The following LRRC63 variants were observed in gnomAD, a reference collection of about 807,000 sequenced individuals.
The protein encoded by LRRC63 is leucine-rich repeat-containing protein 63.
Under a neutral mutation model 49.5 loss-of-function variants are expected in LRRC63, and 40 were observed. The ratio of observed to expected loss-of-function variants is 0.81; its 90% CI spans 0.63 to 1.05. LRRC63 has a LOEUF of 1.05. LRRC63 is among the 50% of genes least tolerant of loss of function. The pLI is 0.00. For synonymous variants in LRRC63, 191 were observed against 221.1 expected (o/e 0.86, Z 1.21); for missense variants, 636 against 663.1 (o/e 0.96, Z 0.45).
intron 4 of LRRC63, among the ~76,000 whole-genome samples, chr13:46,230,432 A>G (rs1311685299): frequency 6.6e-6 from 1 of 152,198 alleles, no homozygotes; most frequent in African/African-American, 2.4e-5. Flanking sequence ...GTTGAGGAGT[A>G]AGGAAGCCAG....
At chr13:46,259,228 G>T (rs986199308) in intron 7 of LRRC63, among the ~76,000 whole-genome samples, 5 of 152,004 alleles carry the variant, frequency 3.3e-5, no homozygotes, top group Non-Finnish European at 7.4e-5. Flanking sequence ...CTTATAAAAT[G>T]AAGATAATAA....
rs1451676745 is a variant in LRRC63, at chr13:46,275,550, G to A, written c.1551-1040G>A. 2.0e-5 allele frequency among the ~76,000 whole-genome samples: 3 copies of A among 151,664 alleles called. No homozygotes were observed. In the East Asian group the frequency reaches 5.8e-4, roughly 29 times the overall value. ...AGATATCTTATTATGGTTTTGATTTGCATTTCCCTAAATATTAGTGATGTT... is the reference window on the plus strand; with the variant it reads ...AGATATCTTATTATGGTTTTGATTTACATTTCCCTAAATATTAGTGATGTT... On this transcript the variant is annotated intron_variant, in intron 9 of 9. Transcript: ENST00000595396.
chr13:46,255,104 G>A (rs982480885), intron 7 of LRRC63, among the ~76,000 whole-genome samples: 1 of 151,942 alleles, frequency 6.6e-6, no homozygotes, highest in African/African-American at 2.4e-5. Flanking sequence ...TGAAATGCTA[G>A]TATATGCTAC....
At chr13:46,218,112 T>A (rs888848285) in intron 2 of LRRC63, among the ~76,000 whole-genome samples, 2 of 152,222 alleles carry the variant, frequency 1.3e-5, no homozygotes, top group African/African-American at 4.8e-5. Flanking sequence ...AGATGTCTAT[T>A]AGGTCTTCTT....
At chr13:46,271,947 A>T (rs2047765505) in intron 9 of LRRC63, among the ~76,000 whole-genome samples, 1 of 152,076 alleles carries the variant, frequency 6.6e-6, no homozygotes. Context: ...AATAACTAAT[A>T]ACTAATAAAA....
intron 2 of LRRC63, among the ~76,000 whole-genome samples, chr13:46,220,306 A>G (rs770377641): frequency 6.6e-6 from 1 of 152,164 alleles, no homozygotes; most frequent in Non-Finnish European, 1.5e-5. Flanking sequence ...TGCCCTGCCC[A>G]GAGAGGAGGA....
At chr13:46,226,480 A>G (rs2046579779) in intron 2 of LRRC63, among the ~76,000 whole-genome samples, 1 of 152,228 alleles carries the variant, frequency 6.6e-6, no homozygotes, top group Admixed American at 6.5e-5. Flanking sequence ...AGGAAACAGC[A>G]CTAGTAAACC....
chr13:46,248,081 G>A (rs886658588), intron 6 of LRRC63, among the ~76,000 whole-genome samples: 3 of 151,922 alleles, frequency 2.0e-5, no homozygotes, highest in Non-Finnish European at 2.9e-5. Flanking sequence ...CTGATAAGGT[G>A]TATATTATAA....
chr13:46,253,939 T>A (rs1022678125), intron 7 of LRRC63, among the ~76,000 whole-genome samples: 5 of 152,176 alleles, frequency 3.3e-5, no homozygotes, highest in Admixed American at 6.6e-5. Context: ...CTGGAGATAT[T>A]TCTGGAGAAA....
intron 5 of LRRC63, among the ~76,000 whole-genome samples, chr13:46,244,794 G>A (rs987548548): frequency 2.0e-5 from 3 of 152,020 alleles, no homozygotes; most frequent in Non-Finnish European, 4.4e-5. Context: ...ATAGAGAATA[G>A]AAGAACAGAA....
chr13:46,243,041 G>A (rs1037295083), intron 5 of LRRC63, among the ~76,000 whole-genome samples: 1 of 152,158 alleles, frequency 6.6e-6, no homozygotes, highest in Non-Finnish European at 1.5e-5. Context: ...TGTAATTGTG[G>A]TAAGTAAACC....
At position 46,263,413 on chromosome 13, in the gene LRRC63, T is replaced by C. The variant is rs371660620; in HGVS notation, c.1310+1421T>C. 2.0e-5 allele frequency among the ~76,000 whole-genome samples: 3 copies of C among 152,230 alleles called. No homozygotes were observed. In the East Asian group the frequency reaches 5.8e-4, roughly 29 times the overall value. The stretch of plus-strand genomic sequence containing the variant: ...CTGGTCTCAAACTCCTAGCCTCAAG[T>C]GATCCTACCACCTCTTTTTTTCTAT... On this transcript the variant is annotated intron_variant, in intron 8 of 9. Transcript: ENST00000595396.
chr13:46,219,907 T>C (rs987416094), intron 2 of LRRC63, among the ~76,000 whole-genome samples: 1 of 152,178 alleles, frequency 6.6e-6, no homozygotes, highest in Non-Finnish European at 1.5e-5. Flanking sequence ...CTCCAGACCC[T>C]GTTTGCCTGG....
chr13:46,255,554 G>T (rs1253568263), intron 7 of LRRC63, among the ~76,000 whole-genome samples: 1 of 151,274 alleles, frequency 6.6e-6, no homozygotes, highest in Non-Finnish European at 1.5e-5. Flanking sequence ...TGTAGTCCCA[G>T]TTACATAGGA....
At chr13:46,261,294 C>G (rs11148000) in intron 7 of LRRC63, among the ~76,000 whole-genome samples, 57,237 of 152,004 alleles carry the variant, frequency 0.38, 10,974 homozygotes, top group Middle Eastern at 0.46. Context: ...TTGGAGATAG[C>G]GTCTTTGCAG....
chr13:46,219,802 G>C (rs1218054055), intron 2 of LRRC63, among the ~76,000 whole-genome samples: 1 of 152,156 alleles, frequency 6.6e-6, no homozygotes, highest in Admixed American at 6.5e-5. Flanking sequence ...ACATCTTTTT[G>C]TTGATGTTGA....
intron 5 of LRRC63, among the ~76,000 whole-genome samples, chr13:46,236,769 T>C (rs1049532506): frequency 2.0e-5 from 3 of 152,152 alleles, no homozygotes; most frequent in Non-Finnish European, 2.9e-5. Flanking sequence ...CAAAGGTAAA[T>C]ATAAAAGTCA....
intron 3 of LRRC63, 37 bp from the exon 4 acceptor site, chr13:46,228,628 T>C: frequency 8.0e-7 from 1 of 1,247,320 alleles, no homozygotes; most frequent in Non-Finnish European, 1.1e-6. Context: ...TTTTTACAAA[T>C]ATCCAAAGTC....
intron 4 of LRRC63, among the ~76,000 whole-genome samples, chr13:46,231,701 G>C (rs955104528): frequency 6.6e-6 from 1 of 151,502 alleles, no homozygotes; most frequent in Non-Finnish European, 1.5e-5. Context: ...ATAGATACAG[G>C]GTTTCACCAT....
Sources: allele counts gnomAD v4.1 joint callset (sites outside exome capture counted in the v4.1 genomes callset), GRCh38; gene constraint gnomAD v4.1.1; transcripts MANE v1.5; gene names NCBI Gene and HGNC (gene_info 2026-07-23, HGNC 2026-07-21).